TAOK3: variants seen among roughly 807,000 people sequenced by gnomAD.
The protein encoded by TAOK3 is TAO kinase 3, also known as serine/threonine-protein kinase TAO3.
Under a neutral mutation model 120.4 loss-of-function variants are expected in TAOK3, and 40 were observed. The ratio of observed to expected loss-of-function variants is 0.33; its 90% CI spans 0.26 to 0.43. The LOEUF is 0.43. TAOK3 is among the 20% of genes least tolerant of loss of function. TAOK3 has a pLI of 1.00. For synonymous variants in TAOK3, 355 were observed against 387.5 expected (o/e 0.92, Z 0.99); for missense variants, 821 against 1,112.1 (o/e 0.74, Z 3.72).
intron 1 of TAOK3, among the ~76,000 whole-genome samples, chr12:118,295,038 A>G (rs1230832409): frequency 2.0e-5 from 3 of 151,402 alleles, no homozygotes; most frequent in South Asian, 2.1e-4. Context: ...TGGAAATAGG[A>G]ATTTGGGAAT....
At chr12:118,223,537 G>A (rs1418451105) in intron 9 of TAOK3, among the ~76,000 whole-genome samples, 2 of 150,916 alleles carry the variant, frequency 1.3e-5, no homozygotes, top group Non-Finnish European at 2.9e-5. Flanking sequence ...TAGTAGAGAC[G>A]GGGTTTCACC....
chr12:118,189,876 C>G lies in TAOK3; in HGVS notation c.1260G>C (p.Gln420His). The G allele has an allele frequency of 6.2e-7, 1 of 1,614,204 alleles. No homozygotes were observed. Among genetic ancestry groups the G allele is most frequent in the Non-Finnish European group, 8.5e-7 (1 of 1,180,028 alleles). ...AGTGGAGGGCCTGGCTCTGAACTGACTGGGTAGGCCGCGGCTCAGGCCTGG... is the reference window on the plus strand; with the variant it reads ...AGTGGAGGGCCTGGCTCTGAACTGAGTGGGTAGGCCGCGGCTCAGGCCTGG... ...GDPRPEPRPT[Q>H]SVQSQALHYR... The change falls in exon 14 of 21, where the codon CAG becomes CAC. Residue 420 changes from glutamine (Q) to histidine (H), a missense_variant. Physicochemically the swap from Gln to His is conservative, Grantham distance 24. This residue lies in a region of TAOK3 where 467 missense variants were observed against 540.0 expected (regional missense o/e 0.86). Coordinates refer to ENST00000392533, the MANE Select transcript of TAOK3 (RefSeq NM_016281.4).
At chr12:118,184,927 T>C (rs2036983850) in intron 14 of TAOK3, among the ~76,000 whole-genome samples, 1 of 152,178 alleles carries the variant, frequency 6.6e-6, no homozygotes, top group African/African-American at 2.4e-5. Flanking sequence ...GTCAGAGGAC[T>C]TTCTCATGTG....
intron 8 of TAOK3, among the ~76,000 whole-genome samples, chr12:118,235,000 A>C (rs1022486802): frequency 5.9e-5 from 9 of 152,252 alleles, no homozygotes; most frequent in African/African-American, 1.9e-4. Context: ...TTAGTAGACA[A>C]GTAATTTTGC....
chr12:118,291,403 C>T (rs1018667090), intron 1 of TAOK3, among the ~76,000 whole-genome samples: 16 of 151,076 alleles, frequency 1.1e-4, no homozygotes, highest in Middle Eastern at 7.0e-3. Context: ...TTAGGTGATT[C>T]GCCCGCCTCG....
intron 11 of TAOK3, among the ~76,000 whole-genome samples, chr12:118,201,885 C>T (rs1338034233): frequency 6.6e-6 from 1 of 151,790 alleles, no homozygotes; most frequent in Non-Finnish European, 1.5e-5. Context: ...AACTATAGTC[C>T]TCATGCTGTA....
At chr12:118,306,398 G>A (rs1233666075) in intron 1 of TAOK3, among the ~76,000 whole-genome samples, 5 of 151,738 alleles carry the variant, frequency 3.3e-5, no homozygotes, top group Admixed American at 6.6e-5. Context: ...GGCTAGTGTC[G>A]AACTCCTGGG....
In TAOK3 at chr12:118,372,225, T is replaced by A. The variant is rs952560932; in HGVS notation, c.-194+423A>T. Among the ~76,000 whole-genome samples the A allele has an allele frequency of 3.3e-5, 5 of 151,074 alleles. No individual in the cohort carries two copies. The highest frequency in any genetic ancestry group is 7.4e-5 in the Non-Finnish European group (5 of 67,758). ...GGGTCCCCATCTCTCAGACTCTCAG[T>A]GCCGGCCCCTCTCGGGGACCCTTCC... is the stretch of plus-strand genomic sequence containing the variant. On this transcript the variant is annotated intron_variant, in intron 1 of 20. Coordinates refer to ENST00000392533, the MANE Select transcript of TAOK3 (RefSeq NM_016281.4). The surrounding 1 kb of genome is among the most constrained non-coding windows in gnomAD (Gnocchi z 4.6).
chr12:118,322,311 T>TC (rs1480711229), intron 1 of TAOK3, among the ~76,000 whole-genome samples: 10 of 82,106 alleles, frequency 1.2e-4, no homozygotes, highest in African/African-American at 4.6e-4. Context: ...TGAGACTGTC[T>TC]CAAAAAAAAA....
chr12:118,175,453 C>T lies in TAOK3; in HGVS notation c.1695+1748G>A, dbSNP rs527649491. ...CCAGCCTGGCTAACATGGTGAAACT[C>T]TGTTTCTACTAAAAATACAAAAAAT... On this transcript the variant is annotated intron_variant, in intron 16 of 20. Transcript: ENST00000392533. 8.6e-3 allele frequency among the ~76,000 whole-genome samples: 1,308 copies of T among 152,082 alleles called. 12 individuals are homozygous for T. The highest frequency in any genetic ancestry group is 0.029 in the African/African-American group (1,205 of 41,462).
At chr12:118,169,324 C>T (rs186068480) in intron 17 of TAOK3, among the ~76,000 whole-genome samples, 5,364 of 109,498 alleles carry the variant, frequency 0.049, 153 homozygotes, top group East Asian at 0.12. Flanking sequence ...CCACCCCCCC[C>T]CCTTTTTTTT....
chr12:118,332,605 C>T (rs1192588164), intron 1 of TAOK3, among the ~76,000 whole-genome samples: 2 of 152,006 alleles, frequency 1.3e-5, no homozygotes, highest in Admixed American at 6.6e-5. Context: ...GCATTCTTTC[C>T]TTAGGATACA....
At chr12:118,315,148 C>T (rs568610719) in intron 1 of TAOK3, among the ~76,000 whole-genome samples, 3 of 152,122 alleles carry the variant, frequency 2.0e-5, no homozygotes, top group African/African-American at 4.8e-5. Context: ...TCATGGTGAA[C>T]TCCTGACCTC....
At chr12:118,333,061 T>C (rs568741638) in intron 1 of TAOK3, among the ~76,000 whole-genome samples, 1 of 152,076 alleles carries the variant, frequency 6.6e-6, no homozygotes, top group African/African-American at 2.4e-5. Flanking sequence ...CACTCCACTC[T>C]CAGCAATTGA....
chr12:118,291,746 C>T (rs2042490876), intron 1 of TAOK3, among the ~76,000 whole-genome samples: 1 of 151,918 alleles, frequency 6.6e-6, no homozygotes, highest in Non-Finnish European at 1.5e-5. Flanking sequence ...TTATAAACCC[C>T]CTTGCAGTCG....
intron 2 of TAOK3, among the ~76,000 whole-genome samples, chr12:118,263,793 C>T (rs1198325612): frequency 2.6e-5 from 4 of 152,100 alleles, no homozygotes; most frequent in Admixed American, 6.6e-5. Flanking sequence ...AGGCCGGGCA[C>T]GGTGGCTCAC....
At chr12:118,257,725 G>C (rs1181841097) in intron 2 of TAOK3, among the ~76,000 whole-genome samples, 1 of 152,016 alleles carries the variant, frequency 6.6e-6, no homozygotes, top group Non-Finnish European at 1.5e-5. Context: ...TTTTTTTCTT[G>C]AGACATAGCC....
intron 1 of TAOK3, among the ~76,000 whole-genome samples, chr12:118,332,558 TA>T (rs2044196724): frequency 1.3e-5 from 2 of 152,188 alleles, no homozygotes; most frequent in South Asian, 4.1e-4. Context: ...TATAGCTAGA[TA>T]AAAATAAATA....
At chr12:118,305,548 T>C (rs987137005) in intron 1 of TAOK3, among the ~76,000 whole-genome samples, 7 of 152,168 alleles carry the variant, frequency 4.6e-5, no homozygotes, top group Admixed American at 1.3e-4. Flanking sequence ...TGATATTCTA[T>C]AGAGAACATA....
Sources: allele counts gnomAD v4.1 joint callset (sites outside exome capture counted in the v4.1 genomes callset), GRCh38; gene constraint gnomAD v4.1.1; regional missense constraint gnomAD v4.1.1; non-coding constraint Gnocchi (gnomAD v3.1); transcripts MANE v1.5; gene names NCBI Gene and HGNC (gene_info 2026-07-23, HGNC 2026-07-21).